The following CACNA2D3 variants were observed in gnomAD, a reference collection of about 807,000 sequenced individuals.
CACNA2D3 encodes voltage-dependent calcium channel subunit alpha-2/delta-3.
A neutral mutation model predicts 160.6 loss-of-function variants in CACNA2D3; 60 were observed. The observed-to-expected ratio is 0.37, with a 90% CI of 0.30 to 0.46. The LOEUF is 0.46. CACNA2D3 is among the 20% of genes least tolerant of loss of function. The pLI is 1.00. For synonymous variants in CACNA2D3, 558 were observed against 492.9 expected (o/e 1.13, Z -1.75); for missense variants, 1,205 against 1,365.0 (o/e 0.88, Z 1.85).
At chr3:54,222,217 G>A (rs1007970052) in intron 2 of CACNA2D3, among the ~76,000 whole-genome samples, 1 of 152,180 alleles carries the variant, frequency 6.6e-6, no homozygotes, top group African/African-American at 2.4e-5. Context: ...AAGCAAGCTG[G>A]GGATCCAGGA....
intron 35 of CACNA2D3, among the ~76,000 whole-genome samples, chr3:55,052,972 TA>T (rs1380683661): frequency 6.6e-6 from 1 of 152,138 alleles, no homozygotes; most frequent in Non-Finnish European, 1.5e-5. Context: ...TTGGGCCATT[TA>T]TTTTTTTTAA....
At chr3:55,007,248 G>C (rs1703117946) in intron 32 of CACNA2D3, among the ~76,000 whole-genome samples, 1 of 152,128 alleles carries the variant, frequency 6.6e-6, no homozygotes, top group South Asian at 2.1e-4. Context: ...TGTTTATATG[G>C]TTATCATTTT....
At chr3:54,965,551 C>T (rs1477840692) in intron 27 of CACNA2D3, among the ~76,000 whole-genome samples, 1 of 152,190 alleles carries the variant, frequency 6.6e-6, no homozygotes, top group African/African-American at 2.4e-5. Context: ...TGGATCTACT[C>T]CTCAACTGGA....
At chr3:54,129,427 C>T (rs1164833891) in intron 2 of CACNA2D3, among the ~76,000 whole-genome samples, 1 of 152,108 alleles carries the variant, frequency 6.6e-6, no homozygotes, top group Non-Finnish European at 1.5e-5. Context: ...CTGTTTAAGG[C>T]ACTAAATTTA....
At chr3:54,292,561 A>C (rs1575375374) in intron 2 of CACNA2D3, among the ~76,000 whole-genome samples, 1 of 152,328 alleles carries the variant, frequency 6.6e-6, no homozygotes, top group Admixed American at 6.5e-5. Flanking sequence ...ATGGCCAATA[A>C]GTACATGAAA....
At chr3:54,866,097 G>A (rs904296511) in intron 17 of CACNA2D3, among the ~76,000 whole-genome samples, 15 of 151,862 alleles carry the variant, frequency 9.9e-5, no homozygotes, top group African/African-American at 3.6e-4. Context: ...ATGAGGGTGG[G>A]AGCTCATTCT....
Position 54,527,084 on chromosome 3 carries a change from G to GCT in CACNA2D3, c.544+23433_544+23434dup, listed in dbSNP as rs1701735306. 3.3e-5 allele frequency among the ~76,000 whole-genome samples: 5 copies of GCT among 152,280 alleles called. No homozygotes were observed. The South Asian group carries it at 1.0e-3, about 32-fold the overall frequency. On this transcript the variant is annotated intron_variant, in intron 5 of 37. Transcript: ENST00000474759. ...CACAGTCTGCTTTGATCAAATCCTT[G>GCT]CTCTTCTGAAGGGATATTTCCCAAG...
At chr3:54,592,370 AG>A (rs1174732634) in intron 9 of CACNA2D3, among the ~76,000 whole-genome samples, 1 of 152,142 alleles carries the variant, frequency 6.6e-6, no homozygotes, top group Non-Finnish European at 1.5e-5. Context: ...AAATTCTGTT[AG>A]GTTTTTGGTT....
intron 13 of CACNA2D3, among the ~76,000 whole-genome samples, chr3:54,769,048 C>T (rs1702270498): frequency 6.6e-6 from 1 of 152,168 alleles, no homozygotes; most frequent in African/African-American, 2.4e-5. Flanking sequence ...CAGGAAGCAG[C>T]AGTTTCTTCC....
At chr3:54,145,717 C>A (rs1419756550) in intron 2 of CACNA2D3, among the ~76,000 whole-genome samples, 2 of 152,178 alleles carry the variant, frequency 1.3e-5, no homozygotes, top group African/African-American at 2.4e-5. Flanking sequence ...ATGAAGTCGA[C>A]AAGTGAGATA....
chr3:54,406,758 T>C (rs1195177334), intron 4 of CACNA2D3, among the ~76,000 whole-genome samples: 5 of 152,096 alleles, frequency 3.3e-5, no homozygotes. Context: ...ATGAGAACTA[T>C]AGTTAATAGT....
At chr3:54,298,968 A>G (rs1703407242) in intron 2 of CACNA2D3, among the ~76,000 whole-genome samples, 1 of 83,820 alleles carries the variant, frequency 1.2e-5, no homozygotes, top group African/African-American at 4.4e-5. Flanking sequence ...AAAAAAAAAA[A>G]AAAAAGAAGA....
chr3:54,309,823 G>A lies in CACNA2D3; in HGVS notation c.205-10619G>A, dbSNP rs529536284. 4.6e-5 allele frequency among the ~76,000 whole-genome samples: 7 copies of A among 152,102 alleles called. No individual in the cohort carries two copies. The South Asian group carries it at 8.3e-4, about 18-fold the overall frequency. ...ATGCTTCTCAACCCCCTAAGGAGGC[G>A]CTGCTTACAGGTCATGCTCTGAATC... On this transcript the variant is annotated intron_variant, in intron 2 of 37. Transcript: ENST00000474759.
intron 2 of CACNA2D3, among the ~76,000 whole-genome samples, chr3:54,288,257 C>G (rs1475200969): frequency 2.0e-5 from 3 of 152,164 alleles, no homozygotes; most frequent in Admixed American, 1.3e-4. Flanking sequence ...ACCGATTCCA[C>G]AGAAATACAA....
chr3:54,826,557 T>C (rs1241515955), intron 14 of CACNA2D3, among the ~76,000 whole-genome samples: 1 of 152,214 alleles, frequency 6.6e-6, no homozygotes, highest in East Asian at 1.9e-4. Context: ...CCCTGTGTGC[T>C]TGGATGGGAC....
chr3:55,010,371 C>T (rs1191233002), intron 34 of CACNA2D3, among the ~76,000 whole-genome samples: 1 of 152,040 alleles, frequency 6.6e-6, no homozygotes, highest in Middle Eastern at 3.2e-3. Flanking sequence ...TGCATGTACC[C>T]TCCACACCTA....
intron 10 of CACNA2D3, chr3:54,639,345 CTGCG>C (rs949270017): frequency 6.6e-6 from 1 of 152,276 alleles, no homozygotes; most frequent in Admixed American, 6.5e-5. Flanking sequence ...GCAGGCATCC[CTGCG>C]TGGTCTGAAA....
intron 27 of CACNA2D3, among the ~76,000 whole-genome samples, chr3:54,934,991 G>T (rs766085939): frequency 5.3e-5 from 8 of 152,212 alleles, no homozygotes; most frequent in Non-Finnish European, 8.8e-5. Flanking sequence ...ACCCGCCTTG[G>T]CCTCCCAAAG....
rs966689154 is a variant in CACNA2D3, at chr3:54,763,618, A to G, written c.1247-600A>G. On this transcript the variant is annotated intron_variant, in intron 12 of 37. Transcript: ENST00000474759. ...ACACACACACACAGTATGTCTGTGT[A>G]AACATATACTGTGTGTGTGTGTGTG... Among the ~76,000 whole-genome samples the G allele has an allele frequency of 4.0e-5, 6 of 148,220 alleles. No individual in the cohort carries two copies. In the South Asian group the frequency reaches 1.3e-3, roughly 32 times the overall value.
Sources: gnomAD v4.1 joint callset for allele counts (sites outside exome capture counted in the v4.1 genomes callset) on GRCh38, gnomAD v4.1.1 for gene constraint, MANE v1.5 for transcripts, NCBI Gene and HGNC (gene_info 2026-07-23, HGNC 2026-07-21) for gene names.